EYA1: variants seen among roughly 807,000 people sequenced by gnomAD.
The protein encoded by EYA1 is protein phosphatase EYA1.
EYA1 carries 16 observed loss-of-function variants against 82.0 expected under a neutral mutation model. The observed-to-expected ratio is 0.20, with a 90% CI of 0.13 to 0.30. The LOEUF (loss-of-function observed/expected upper bound fraction) is 0.30, where lower values mean the gene tolerates loss of function less well. EYA1 is among the 10% of genes least tolerant of loss of function. The pLI is 1.00. For synonymous variants in EYA1, 261 were observed against 264.4 expected (o/e 0.99, Z 0.12); for missense variants, 633 against 730.7 (o/e 0.87, Z 1.54).
At chr8:71,382,408 A>G (rs1183289352) in intron 2 of EYA1, among the ~76,000 whole-genome samples, 1 of 152,158 alleles carries the variant, frequency 6.6e-6, no homozygotes, top group Non-Finnish European at 1.5e-5. Flanking sequence ...AAAAGAGCAA[A>G]TATCCTAATT....
At chr8:71,481,086 G>C (rs897055397) in intron 2 of EYA1, among the ~76,000 whole-genome samples, 1 of 152,034 alleles carries the variant, frequency 6.6e-6, no homozygotes, top group African/African-American at 2.4e-5. Flanking sequence ...AAGGCATTAA[G>C]CATATATTTT....
chr8:71,236,335 G>A (rs921962087), intron 12 of EYA1, among the ~76,000 whole-genome samples: 3 of 152,058 alleles, frequency 2.0e-5, no homozygotes, highest in Non-Finnish European at 2.9e-5. Context: ...GCACCTGGCC[G>A]AATTTTACAC....
Position 71,227,177 on chromosome 8 carries a change from T to C in EYA1, c.1141-10154A>G, listed in dbSNP as rs376252227. ...ACTCAGCACACATCTAATATAAATA[T>C]CATTTTTTTTTGGAACAGCAACTCA... On this transcript the variant is annotated intron_variant, in intron 12 of 17. Transcript: ENST00000340726. Among the ~76,000 whole-genome samples, 3 of 152,136 alleles carry C rather than the reference T, an allele frequency of 2.0e-5. No individual in the cohort carries two copies. In the South Asian group the frequency reaches 6.2e-4, roughly 31 times the overall value.
chr8:71,432,418 A>G (rs1336096350), intron 2 of EYA1, among the ~76,000 whole-genome samples: 1 of 152,178 alleles, frequency 6.6e-6, no homozygotes, highest in African/African-American at 2.4e-5. Context: ...GCTTTCTTTA[A>G]GAGTGCTATA....
At chr8:71,239,483 G>A (rs1812220002) in intron 12 of EYA1, among the ~76,000 whole-genome samples, 1 of 152,186 alleles carries the variant, frequency 6.6e-6, no homozygotes, top group African/African-American at 2.4e-5. Context: ...AGTGTTATAA[G>A]GGATGTTTAC....
At chr8:71,429,208 ATACT>A (rs1344210960) in intron 2 of EYA1, among the ~76,000 whole-genome samples, 4 of 152,214 alleles carry the variant, frequency 2.6e-5, no homozygotes, top group African/African-American at 9.6e-5. Context: ...ATGAATTTGG[ATACT>A]TACTTCATTG....
intron 2 of EYA1, among the ~76,000 whole-genome samples, chr8:71,520,087 A>G (rs891073059): frequency 3.3e-5 from 5 of 152,248 alleles, no homozygotes; most frequent in African/African-American, 1.2e-4. Context: ...TCATAGCAGA[A>G]AAGGCTAAAA....
At chr8:71,478,303 A>T (rs563757905) in intron 2 of EYA1, among the ~76,000 whole-genome samples, 2 of 152,310 alleles carry the variant, frequency 1.3e-5, no homozygotes, top group South Asian at 4.1e-4. Context: ...ATCCAACTTT[A>T]TAAACAGAGG....
intron 2 of EYA1, among the ~76,000 whole-genome samples, chr8:71,449,917 C>T (rs1807215266): frequency 6.6e-6 from 1 of 152,194 alleles, no homozygotes; most frequent in African/African-American, 2.4e-5. Flanking sequence ...CTTCATCCTA[C>T]ATTTTTATGT....
At chr8:71,413,886 T>C in intron 2 of EYA1, among the ~76,000 whole-genome samples, 1 of 152,230 alleles carries the variant, frequency 6.6e-6, no homozygotes, top group South Asian at 2.1e-4. Context: ...CTTTGTTCTC[T>C]CTGTTAGATG....
intron 7 of EYA1, among the ~76,000 whole-genome samples, chr8:71,315,483 G>A (rs1586323038): frequency 6.6e-6 from 1 of 152,102 alleles, no homozygotes; most frequent in East Asian, 1.9e-4. Flanking sequence ...GGATACCACG[G>A]GCACCCTGCT....
At chr8:71,489,134 T>C (rs1245173408) in intron 2 of EYA1, among the ~76,000 whole-genome samples, 1 of 152,206 alleles carries the variant, frequency 6.6e-6, no homozygotes, top group Non-Finnish European at 1.5e-5. Flanking sequence ...GTTAATCCTG[T>C]AACTGAACTT....
At chr8:71,499,452 A>G (rs1811658394) in intron 2 of EYA1, among the ~76,000 whole-genome samples, 1 of 152,212 alleles carries the variant, frequency 6.6e-6, no homozygotes, top group South Asian at 2.1e-4. Context: ...CTTACTAGAA[A>G]GAGTTCAGTT....
chr8:71,324,235 A>C (rs559516989), intron 4 of EYA1, among the ~76,000 whole-genome samples: 1 of 152,354 alleles, frequency 6.6e-6, no homozygotes, highest in Admixed American at 6.5e-5. Flanking sequence ...GGGTTACTAC[A>C]CAGAGTACAG....
At chr8:71,328,412 C>G (rs575582980) in intron 4 of EYA1, among the ~76,000 whole-genome samples, 1 of 152,174 alleles carries the variant, frequency 6.6e-6, no homozygotes, top group Non-Finnish European at 1.5e-5. Flanking sequence ...CCCCTCAGCT[C>G]TCCTGATTCT....
chr8:71,440,251 G>A (rs550883055), intron 2 of EYA1, among the ~76,000 whole-genome samples: 44 of 152,294 alleles, frequency 2.9e-4, no homozygotes, highest in African/African-American at 1.0e-3. Flanking sequence ...ACGAGTTTGA[G>A]TTTTATATTT....
intron 11 of EYA1, among the ~76,000 whole-genome samples, chr8:71,258,725 A>G (rs1315430787): frequency 6.6e-6 from 1 of 152,224 alleles, no homozygotes; most frequent in African/African-American, 2.4e-5. Context: ...GAGAACTATT[A>G]TAGTTACATT....
intron 2 of EYA1, among the ~76,000 whole-genome samples, chr8:71,399,267 C>A (rs948014588): frequency 7.2e-5 from 11 of 152,200 alleles, no homozygotes; most frequent in African/African-American, 2.7e-4. Context: ...CCCTGCCCTG[C>A]TCCATGGGCT....
intron 2 of EYA1, among the ~76,000 whole-genome samples, chr8:71,511,841 G>C (rs955079266): frequency 6.6e-6 from 1 of 152,106 alleles, no homozygotes; most frequent in Non-Finnish European, 1.5e-5. Flanking sequence ...ACCAACACAA[G>C]GAGCAAAGCA....
Sources: allele counts gnomAD v4.1 joint callset (sites outside exome capture counted in the v4.1 genomes callset), GRCh38; gene constraint gnomAD v4.1.1; transcripts MANE v1.5; gene names NCBI Gene and HGNC (gene_info 2026-07-23, HGNC 2026-07-21).